Variants in CAMK2D observed in about 807,000 individuals in gnomAD.
CAMK2D encodes the protein calcium/calmodulin dependent protein kinase II delta.
A neutral mutation model predicts 84.0 loss-of-function variants in CAMK2D; 37 were observed. The ratio of observed to expected loss-of-function variants is 0.44; its 90% CI spans 0.34 to 0.58. The LOEUF is 0.58. Ranked by LOEUF, CAMK2D falls within the 20% of genes least tolerant of loss-of-function variation. The probability of loss-of-function intolerance (pLI) is 0.02; values close to 1 mark genes in which losing one functional copy is unlikely to be tolerated. For missense variants in CAMK2D, 448 were observed against 652.5 expected (o/e 0.69, Z 3.41); for synonymous variants, 202 against 212.5 (o/e 0.95, Z 0.43).
intron 3 of CAMK2D, among the ~76,000 whole-genome samples, chr4:113,625,627 AG>A (rs2099064563): frequency 6.6e-6 from 1 of 152,268 alleles, no homozygotes; most frequent in South Asian, 2.1e-4. Flanking sequence ...AAGAGTGAAC[AG>A]GGGAGAAGGC....
intron 3 of CAMK2D, among the ~76,000 whole-genome samples, chr4:113,633,001 A>T (rs533773237): frequency 6.6e-6 from 1 of 152,364 alleles, no homozygotes; most frequent in Middle Eastern, 3.4e-3. Flanking sequence ...CTTCAAATGA[A>T]GGAATAGTTG....
At chr4:113,489,385 C>T (rs1186552410) in intron 16 of CAMK2D, among the ~76,000 whole-genome samples, 6 of 98,704 alleles carry the variant, frequency 6.1e-5, no homozygotes, top group African/African-American at 2.9e-4. Context: ...TGAGAATATG[C>T]GGTGTTTGGT....
chr4:113,709,274 T>A (rs1200426941), intron 2 of CAMK2D, among the ~76,000 whole-genome samples: 2 of 152,140 alleles, frequency 1.3e-5, no homozygotes, highest in Non-Finnish European at 2.9e-5. Flanking sequence ...AAAATAAATG[T>A]TTTTCTCAAT....
At chr4:113,501,373 A>G (rs2098042815) in intron 15 of CAMK2D, among the ~76,000 whole-genome samples, 1 of 152,044 alleles carries the variant, frequency 6.6e-6, no homozygotes, top group South Asian at 2.1e-4. Flanking sequence ...AAATTTTGCA[A>G]TATTCATAAG....
chr4:113,453,252 T>A lies in CAMK2D; in HGVS notation c.*1293A>T, dbSNP rs1221884084. ...GCTAAAAAAGCACAAGTCACAAAGA[T>A]CAAGTTCAAAACACTTATGAGAATG... On this transcript the variant is annotated 3_prime_UTR_variant, in exon 21 of 21. Coordinates refer to ENST00000511664, the MANE Select transcript of CAMK2D (RefSeq NM_001321571.2). The A allele has an allele frequency of 6.6e-6, 1 of 152,196 alleles. No homozygotes were observed. The highest frequency in any genetic ancestry group is 2.4e-5 in the African/African-American group (1 of 41,446). The allele number at this position is 152,196 out of a possible 1,614,324, so 9.4% of individuals were successfully genotyped here. A position where few individuals can be genotyped will look rare whatever the true frequency, so the allele number is the denominator to read the frequency against.
intron 3 of CAMK2D, among the ~76,000 whole-genome samples, chr4:113,627,046 T>TAAAACA (rs2099071010): frequency 6.6e-6 from 1 of 152,176 alleles, no homozygotes; most frequent in African/African-American, 2.4e-5. Flanking sequence ...AGGCTTGTTT[T>TAAAACA]ATACATGAAT....
chr4:113,625,886 G>A (rs1023800102), intron 3 of CAMK2D, among the ~76,000 whole-genome samples: 2 of 151,794 alleles, frequency 1.3e-5, no homozygotes, highest in Admixed American at 1.3e-4. Flanking sequence ...AAAAAGTCAG[G>A]TGATGTAATC....
At chr4:113,641,208 G>A (rs968464607) in intron 3 of CAMK2D, among the ~76,000 whole-genome samples, 4 of 152,170 alleles carry the variant, frequency 2.6e-5, no homozygotes, top group Admixed American at 2.0e-4. Flanking sequence ...AGCAGATGAG[G>A]AAGTGAAGAA....
chr4:113,641,748 C>T (rs191448226), intron 3 of CAMK2D, among the ~76,000 whole-genome samples: 124 of 152,304 alleles, frequency 8.1e-4, no homozygotes, highest in African/African-American at 2.6e-3. Context: ...TGGCTCATGC[C>T]TGTAATCCCA....
intron 4 of CAMK2D, among the ~76,000 whole-genome samples, chr4:113,580,911 T>G (rs946100229): frequency 1.8e-5 from 2 of 113,910 alleles, no homozygotes; most frequent in African/African-American, 6.8e-5. Flanking sequence ...AGAAATGGAA[T>G]GTGGGGTAGG....
chr4:113,701,436 G>C (rs1293094384), intron 2 of CAMK2D, among the ~76,000 whole-genome samples: 2 of 152,160 alleles, frequency 1.3e-5, no homozygotes, highest in East Asian at 3.8e-4. Context: ...CTTGGGATCA[G>C]AACCTCAGTA....
chr4:113,656,046 A>G (rs975471516), intron 3 of CAMK2D, among the ~76,000 whole-genome samples: 2 of 152,158 alleles, frequency 1.3e-5, no homozygotes, highest in African/African-American at 2.4e-5. Flanking sequence ...ATATGTTGAC[A>G]TATAGCTCAG....
chr4:113,639,398 C>T (rs2099123164), intron 3 of CAMK2D, among the ~76,000 whole-genome samples: 1 of 151,844 alleles, frequency 6.6e-6, no homozygotes, highest in Admixed American at 6.6e-5. Context: ...GAATGAGGTC[C>T]CTAAGGCCAA....
intron 4 of CAMK2D, among the ~76,000 whole-genome samples, chr4:113,605,968 A>T (rs1280773038): frequency 1.3e-5 from 2 of 152,222 alleles, no homozygotes; most frequent in African/African-American, 4.8e-5. Flanking sequence ...TTTGAATGAG[A>T]AGATAATCAA....
chr4:113,688,642 A>G (rs2099367200), intron 2 of CAMK2D, among the ~76,000 whole-genome samples: 1 of 151,978 alleles, frequency 6.6e-6, no homozygotes, highest in African/African-American at 2.4e-5. Context: ...TATTGCCCCA[A>G]CTGATTTCCT....
intron 2 of CAMK2D, among the ~76,000 whole-genome samples, chr4:113,702,878 G>A (rs995381512): frequency 6.6e-6 from 1 of 152,046 alleles, no homozygotes; most frequent in African/African-American, 2.4e-5. Flanking sequence ...CATCCTGGGT[G>A]ACAGAACGAG....
intron 2 of CAMK2D, among the ~76,000 whole-genome samples, chr4:113,737,108 A>G (rs770706595): frequency 2.4e-4 from 37 of 152,140 alleles, no homozygotes; most frequent in Non-Finnish European, 4.0e-4. Context: ...AAAATTATAA[A>G]CTTTATCACT....
intron 2 of CAMK2D, among the ~76,000 whole-genome samples, chr4:113,735,067 G>A (rs1194267040): frequency 1.3e-5 from 2 of 151,418 alleles, no homozygotes; most frequent in African/African-American, 2.4e-5. Context: ...CAATAAAAAC[G>A]TTTGCCTGTC....
chr4:113,454,623 C>T (rs936077298), intron 20 of CAMK2D, 108 bp from the exon 21 acceptor site: 14 of 697,106 alleles, frequency 2.0e-5, no homozygotes, highest in African/African-American at 3.5e-5. Context: ...ACTTGGCTAA[C>T]AAATAGATTG....
Sources: allele counts gnomAD v4.1 joint callset (sites outside exome capture counted in the v4.1 genomes callset), GRCh38; gene constraint gnomAD v4.1.1; transcripts MANE v1.5; gene names NCBI Gene and HGNC (gene_info 2026-07-23, HGNC 2026-07-21).